Variants in CEP63 observed in about 807,000 individuals in gnomAD.
CEP63 encodes the protein centrosomal protein 63.
In CEP63, 84 loss-of-function variants were observed where a neutral mutation model predicts 89.1. That is an observed-to-expected ratio of 0.94 (90% CI 0.79 to 1.13). The LOEUF is 1.13. Among genes scored for constraint, CEP63 ranks in the 50% most tolerant of loss-of-function variants. CEP63 has a pLI of 0.00. For synonymous variants in CEP63, 267 were observed against 272.5 expected, an observed-to-expected ratio of 0.98 and a Z score of 0.20; for missense variants, 838 against 813.3, an observed-to-expected ratio of 1.03 and a Z score of -0.37.
chr3:134,530,732 C>T (rs771311851), intron 3 of CEP63, among the ~76,000 whole-genome samples: 2 of 152,094 alleles, frequency 1.3e-5, no homozygotes, highest in East Asian at 1.9e-4. Flanking sequence ...TTTACCCATT[C>T]TTCCAGTTTG....
chr3:134,746,324 A>G, the CEP63 span, among the ~76,000 whole-genome samples: 1 of 152,080 alleles, frequency 6.6e-6, no homozygotes, highest in East Asian at 1.9e-4. Context: ...TCTATCATTG[A>G]TGGACATTTG....
chr3:134,740,518 C>G, the CEP63 span, among the ~76,000 whole-genome samples: 1 of 152,012 alleles, frequency 6.6e-6, no homozygotes, highest in Non-Finnish European at 1.5e-5. Context: ...AGGATGGTCT[C>G]GATCTCCTGA....
the CEP63 span, among the ~76,000 whole-genome samples, chr3:134,630,612 C>T: frequency 6.6e-6 from 1 of 152,148 alleles, no homozygotes; most frequent in Non-Finnish European, 1.5e-5. Flanking sequence ...TAGATCTCAT[C>T]CTAAACATCA....
the CEP63 span, among the ~76,000 whole-genome samples, chr3:134,670,142 T>C: frequency 6.6e-6 from 1 of 152,216 alleles, no homozygotes; most frequent in Non-Finnish European, 1.5e-5. Flanking sequence ...ATTTCTGTTG[T>C]TTATATGCCG....
the CEP63 span, among the ~76,000 whole-genome samples, chr3:134,714,246 G>A: frequency 1.3e-5 from 2 of 152,194 alleles, no homozygotes; most frequent in Non-Finnish European, 2.9e-5. Flanking sequence ...GTTAGACGAG[G>A]TCAAAGAAAA....
the CEP63 span, among the ~76,000 whole-genome samples, chr3:134,766,110 A>G: frequency 1.3e-5 from 2 of 152,240 alleles, no homozygotes; most frequent in Non-Finnish European, 2.9e-5. Flanking sequence ...TCTGGTAGTG[A>G]AAAGTTCTGG....
chr3:134,642,765 G>T, the CEP63 span, among the ~76,000 whole-genome samples: 5 of 152,190 alleles, frequency 3.3e-5, no homozygotes, highest in African/African-American at 1.2e-4. Context: ...GTTTCCAGGG[G>T]AGATGAGGAA....
chr3:134,620,640 C>G, the CEP63 span: 3 of 753,734 alleles, frequency 4.0e-6, no homozygotes, highest in South Asian at 5.0e-5. Flanking sequence ...GGTCCCTGTC[C>G]CCCACCTTTC....
chr3:134,772,791 C>G, the CEP63 span, among the ~76,000 whole-genome samples: 1 of 152,256 alleles, frequency 6.6e-6, no homozygotes, highest in Middle Eastern at 3.4e-3. Context: ...TTGACTGCTC[C>G]CAAGAGGAAG....
the CEP63 span, among the ~76,000 whole-genome samples, chr3:134,707,054 G>C: frequency 6.6e-6 from 1 of 152,130 alleles, no homozygotes; most frequent in African/African-American, 2.4e-5. Context: ...ACAGGTACTG[G>C]GGGTTAGGAC....
At chr3:134,553,265 A>G (rs1955317711) in intron 12 of CEP63, 2 of 152,128 alleles carry the variant, frequency 1.3e-5, no homozygotes, top group African/African-American at 2.4e-5. Context: ...TTTCAACTGG[A>G]AAAATGGGGG....
At chr3:134,772,488 A>C in the CEP63 span, among the ~76,000 whole-genome samples, 1 of 147,710 alleles carries the variant, frequency 6.8e-6, no homozygotes, top group African/African-American at 2.5e-5. Flanking sequence ...TGATCTTCTC[A>C]CCTCCCCTCC....
chr3:134,672,710 A>T, the CEP63 span, among the ~76,000 whole-genome samples: 1 of 151,900 alleles, frequency 6.6e-6, no homozygotes, highest in Non-Finnish European at 1.5e-5. Flanking sequence ...TCTTCCTCTT[A>T]CTGTTGGTCC....
At chr3:134,486,496 G>T in intron 1 of CEP63, 1 of 985,770 alleles carries the variant, frequency 1.0e-6, no homozygotes, top group Non-Finnish European at 1.2e-6. Flanking sequence ...GTTCGGCCCC[G>T]CCAGGTGGTC....
At chr3:134,532,151 A>C (rs1949976325) in intron 4 of CEP63, among the ~76,000 whole-genome samples, 1 of 152,216 alleles carries the variant, frequency 6.6e-6, no homozygotes, top group Admixed American at 6.5e-5. Context: ...AGAGATGCTA[A>C]AATATGTTTC....
the CEP63 span, among the ~76,000 whole-genome samples, chr3:134,655,199 G>A: frequency 6.6e-6 from 1 of 152,166 alleles, no homozygotes; most frequent in Non-Finnish European, 1.5e-5. Context: ...TCCTGCTCTG[G>A]GGAAGGTCTC....
chr3:134,646,786 G>A, the CEP63 span, among the ~76,000 whole-genome samples: 5 of 152,274 alleles, frequency 3.3e-5, no homozygotes, highest in South Asian at 1.0e-3. Context: ...TAGAGGTTTG[G>A]TCTCTATTAG....
At chr3:134,542,712 C>G (rs760810539) in intron 6 of CEP63, among the ~76,000 whole-genome samples, 10 of 152,308 alleles carry the variant, frequency 6.6e-5, no homozygotes, top group Admixed American at 1.3e-4. Context: ...AACCCCCACT[C>G]CCCAATTTCT....
chr3:134,703,389 T>C, the CEP63 span, among the ~76,000 whole-genome samples: 1 of 151,612 alleles, frequency 6.6e-6, no homozygotes, highest in Non-Finnish European at 1.5e-5. Context: ...TGCCCATCAA[T>C]GATAGACTGG....
Sources: allele counts gnomAD v4.1 joint callset (sites outside exome capture counted in the v4.1 genomes callset), GRCh38; gene constraint gnomAD v4.1.1; transcripts MANE v1.5; gene names NCBI Gene and HGNC (gene_info 2026-07-23, HGNC 2026-07-21).